Variants in DLGAP2 observed in about 807,000 individuals in gnomAD.
DLGAP2 encodes disks large-associated protein 2.
A neutral mutation model predicts 100.3 loss-of-function variants in DLGAP2; 26 were observed. The ratio of observed to expected loss-of-function variants is 0.26; its 90% CI spans 0.19 to 0.36. The LOEUF (loss-of-function observed/expected upper bound fraction) is 0.36. Among genes scored for constraint, DLGAP2 ranks in the 10% least tolerant of loss-of-function variants. The probability of loss-of-function intolerance (pLI) is 1.00; values close to 1 mark genes in which losing one functional copy is unlikely to be tolerated. For synonymous variants in DLGAP2, 886 were observed against 630.1 expected, an observed-to-expected ratio of 1.41 and a Z score of -6.08; for missense variants, 1,858 against 1,453.2, an observed-to-expected ratio of 1.28 and a Z score of -4.53.
At chr8:1,649,410 G>A (rs12675163) in intron 8 of DLGAP2, among the ~76,000 whole-genome samples, 1 of 151,898 alleles carries the variant, frequency 6.6e-6, no homozygotes, top group Admixed American at 6.6e-5. Context: ...TGGTGTTGGG[G>A]TAAACAGAAT....
chr8:896,416 C>T lies in DLGAP2; in HGVS notation c.19-11496C>T, dbSNP rs934102030. ...CTGCCGGGATGGTGTGACACCAGGG[C>T]GGGGGGGCTGGGTGGTGGGGAGATG... On this transcript the variant is annotated intron_variant, in intron 1 of 14. Transcript: ENST00000637795. Among the ~76,000 whole-genome samples the T allele has an allele frequency of 1.3e-4, 11 of 82,016 alleles. No homozygotes were observed. The South Asian group carries it at 3.7e-3, about 28-fold the overall frequency. The allele number at this position is 82,016 out of a possible 152,430, so 53.8% of individuals were successfully genotyped here.
At chr8:1,694,686 G>A (rs935080470) in intron 13 of DLGAP2, among the ~76,000 whole-genome samples, 5 of 152,084 alleles carry the variant, frequency 3.3e-5, no homozygotes, top group African/African-American at 9.7e-5. Context: ...AGCAGGTGCC[G>A]GCGCACAGAG....
intron 6 of DLGAP2, 122 bp from the exon 7 acceptor site, chr8:1,626,618 C>T (rs1239376249): frequency 9.7e-6 from 12 of 1,236,416 alleles, no homozygotes; most frequent in South Asian, 5.9e-5. Flanking sequence ...GTTGGACGGT[C>T]GTTCCCACCT....
intron 2 of DLGAP2, among the ~76,000 whole-genome samples, chr8:1,063,538 T>C (rs1803153039): frequency 9.6e-6 from 1 of 104,638 alleles, no homozygotes; most frequent in Non-Finnish European, 2.1e-5. Context: ...TTTTTTTTTT[T>C]GCTTTTGCTT....
chr8:1,054,328 A>G (rs753660535), intron 2 of DLGAP2, among the ~76,000 whole-genome samples: 11 of 152,264 alleles, frequency 7.2e-5, no homozygotes, highest in East Asian at 1.9e-4. Context: ...AGTCATGTCT[A>G]TGCTCAAACC....
intron 2 of DLGAP2, among the ~76,000 whole-genome samples, chr8:1,067,831 C>T (rs968975530): frequency 5.3e-5 from 8 of 151,990 alleles, no homozygotes; most frequent in Non-Finnish European, 7.4e-5. Context: ...CCGTGGTTCA[C>T]CTCGGCTCAC....
intron 2 of DLGAP2, among the ~76,000 whole-genome samples, chr8:1,047,655 A>G (rs1802552852): frequency 6.6e-6 from 1 of 152,060 alleles, no homozygotes; most frequent in African/African-American, 2.4e-5. Flanking sequence ...CCTGGTCCCT[A>G]GATGGCCTCC....
intron 2 of DLGAP2, among the ~76,000 whole-genome samples, chr8:946,270 T>G (rs1164426074): frequency 2.4e-5 from 3 of 127,264 alleles, no homozygotes; most frequent in African/African-American, 9.9e-5. Flanking sequence ...GTTTCTTAGG[T>G]TTTTTTTTTT....
At chr8:944,591 C>T (rs530284309) in intron 2 of DLGAP2, among the ~76,000 whole-genome samples, 5 of 151,876 alleles carry the variant, frequency 3.3e-5, no homozygotes, top group South Asian at 2.1e-4. Context: ...GCAGGTGACT[C>T]AGTGGGTGGT....
At chr8:847,758 C>T (rs117293106) in intron 1 of DLGAP2, among the ~76,000 whole-genome samples, 203 of 152,306 alleles carry the variant, frequency 1.3e-3, no homozygotes, top group Non-Finnish European at 2.3e-3. Context: ...CCGCCTACCT[C>T]GGCCTCCCAA....
chr8:1,349,973 T>G (rs1310995408), intron 3 of DLGAP2, among the ~76,000 whole-genome samples: 1 of 152,060 alleles, frequency 6.6e-6, no homozygotes, highest in African/African-American at 2.4e-5. Flanking sequence ...AGAGGCTCTA[T>G]TTTTTTTCAG....
chr8:1,463,971 T>A (rs1798533353), intron 3 of DLGAP2, among the ~76,000 whole-genome samples: 1 of 152,084 alleles, frequency 6.6e-6, no homozygotes, highest in South Asian at 2.1e-4. Context: ...ATCAGGCACA[T>A]AACAACTGAG....
intron 5 of DLGAP2, among the ~76,000 whole-genome samples, chr8:1,557,658 TC>T: frequency 6.6e-6 from 1 of 152,094 alleles, no homozygotes; most frequent in South Asian, 2.1e-4. Flanking sequence ...TTCCGCAGGG[TC>T]CTGGTGGCTG....
At chr8:1,472,167 C>T (rs764523991) in intron 3 of DLGAP2, among the ~76,000 whole-genome samples, 5 of 152,132 alleles carry the variant, frequency 3.3e-5, no homozygotes, top group Non-Finnish European at 5.9e-5. Flanking sequence ...GACGGGGCCG[C>T]ACTGGGGAGG....
chr8:1,460,940 G>A (rs1450541607), intron 3 of DLGAP2, among the ~76,000 whole-genome samples: 1 of 152,206 alleles, frequency 6.6e-6, no homozygotes, highest in African/African-American at 2.4e-5. Context: ...ATAAACACAA[G>A]GGTACCATTT....
chr8:1,047,172 A>T (rs1802539771), intron 2 of DLGAP2, among the ~76,000 whole-genome samples: 1 of 152,168 alleles, frequency 6.6e-6, no homozygotes. Flanking sequence ...CCTGGAAAAC[A>T]CCAGCAGACT....
At chr8:1,010,727 G>A (rs1040913087) in intron 2 of DLGAP2, among the ~76,000 whole-genome samples, 14 of 152,218 alleles carry the variant, frequency 9.2e-5, no homozygotes, top group African/African-American at 3.4e-4. Flanking sequence ...CTGCCGTAAT[G>A]CTTGATTTTT....
At chr8:1,163,267 G>A (rs1416190161) in intron 2 of DLGAP2, among the ~76,000 whole-genome samples, 1 of 152,224 alleles carries the variant, frequency 6.6e-6, no homozygotes, top group Non-Finnish European at 1.5e-5. Flanking sequence ...GGAGTCCCCT[G>A]TTCTGAGATA....
At chr8:1,176,013 C>G (rs1311926315) in intron 2 of DLGAP2, among the ~76,000 whole-genome samples, 1 of 152,182 alleles carries the variant, frequency 6.6e-6, no homozygotes. Flanking sequence ...TAAATATTGA[C>G]TGGTCCATCT....
Sources: gnomAD v4.1 joint callset for allele counts (sites outside exome capture counted in the v4.1 genomes callset) on GRCh38, gnomAD v4.1.1 for gene constraint, MANE v1.5 for transcripts, NCBI Gene and HGNC (gene_info 2026-07-23, HGNC 2026-07-21) for gene names.